The following EFHC2 variants were observed in gnomAD, a reference collection of about 807,000 sequenced individuals.
EFHC2 encodes EF-hand domain containing 2.
In EFHC2, 18 loss-of-function variants were observed where a neutral mutation model predicts 52.7. The ratio of observed to expected loss-of-function variants is 0.34; its 90% CI spans 0.24 to 0.51. The LOEUF (loss-of-function observed/expected upper bound fraction) is 0.51, where lower values mean the gene tolerates loss of function less well. Among genes scored for constraint, EFHC2 ranks in the 20% least tolerant of loss-of-function variants. EFHC2 has a pLI of 0.97. For synonymous variants in EFHC2, 203 were observed against 204.1 expected, an observed-to-expected ratio of 0.99 and a Z score of 0.04; for missense variants, 513 against 562.5, an observed-to-expected ratio of 0.91 and a Z score of 0.89.
At chrX:44,320,202 CA>C (rs2038009550) in intron 1 of EFHC2, among the ~76,000 whole-genome samples, 1 of 112,235 alleles carries the variant, frequency 8.9e-6, no homozygotes, top group Non-Finnish European at 1.9e-5. Context: ...CCTGGCCTCC[CA>C]AAGTGCTGTG....
chrX:44,190,946 C>A lies in EFHC2; in HGVS notation c.1752-12382G>T, dbSNP rs760649903. ...CCTGAGCTGCTGGGACAGGCTCCAG[C>A]CACCCATGACCTTGAACTGGAATAA... On this transcript the variant is annotated intron_variant, in intron 11 of 14. Transcript: ENST00000420999. Among the ~76,000 whole-genome samples the A allele has an allele frequency of 5.4e-5, 6 of 111,327 alleles. No individual in the cohort carries two copies. In the East Asian group the frequency reaches 1.7e-3, roughly 32 times the overall value.
intron 11 of EFHC2, among the ~76,000 whole-genome samples, chrX:44,204,874 T>G (rs997088835): frequency 9.0e-6 from 1 of 111,088 alleles, no homozygotes; most frequent in African/African-American, 3.3e-5. Context: ...TACAAGAAAT[T>G]CAGAGAACTT....
chrX:44,225,518 G>A (rs921208893), intron 11 of EFHC2, among the ~76,000 whole-genome samples: 2 of 111,766 alleles, frequency 1.8e-5, no homozygotes, highest in African/African-American at 6.5e-5. Context: ...GAAGCCCCAG[G>A]TGTATGCTGA....
At chrX:44,248,194 A>T (rs2037414871) in intron 7 of EFHC2, 78 bp downstream of exon 7, 1 of 898,599 alleles carries the variant, frequency 1.1e-6, no homozygotes, top group Admixed American at 3.4e-5. Flanking sequence ...AGCATTTGAA[A>T]CTCCAAAGTA....
intron 8 of EFHC2, among the ~76,000 whole-genome samples, chrX:44,237,012 CT>C (rs1179239018): frequency 9.8e-4 from 102 of 104,383 alleles, no homozygotes; most frequent in Middle Eastern, 4.8e-3. Flanking sequence ...TTCAATATGC[CT>C]TTTTTTTTTC....
intron 13 of EFHC2, among the ~76,000 whole-genome samples, chrX:44,169,722 T>TACACAC (rs10642638): frequency 2.4e-4 from 25 of 102,926 alleles, no homozygotes; most frequent in Admixed American, 8.4e-4. Flanking sequence ...TAGCTACACA[T>TACACAC]ACACACACAC....
intron 8 of EFHC2, among the ~76,000 whole-genome samples, chrX:44,237,417 A>G (rs985256127): frequency 2.3e-4 from 26 of 112,034 alleles, no homozygotes; most frequent in Non-Finnish European, 1.7e-4. Context: ...ATTTAGCTCT[A>G]TATAGACTTT....
At chrX:44,208,951 G>A (rs957720760) in intron 11 of EFHC2, among the ~76,000 whole-genome samples, 3 of 109,571 alleles carry the variant, frequency 2.7e-5, no homozygotes, top group Non-Finnish European at 5.7e-5. Flanking sequence ...CATGACATAT[G>A]TCAGATGTAT....
At chrX:44,247,525 T>G (rs1464535087) in intron 7 of EFHC2, among the ~76,000 whole-genome samples, 1 of 111,568 alleles carries the variant, frequency 9.0e-6, no homozygotes, top group Non-Finnish European at 1.9e-5. Context: ...GTCCCATCAA[T>G]TCCTAGCAGC....
chrX:44,175,106 G>A (rs1157291783), intron 13 of EFHC2, among the ~76,000 whole-genome samples: 1 of 111,716 alleles, frequency 9.0e-6, no homozygotes, highest in Non-Finnish European at 1.9e-5. Context: ...CGAACCCTAA[G>A]CCCCACTATG....
At chrX:44,167,395 G>A (rs936691043) in intron 13 of EFHC2, among the ~76,000 whole-genome samples, 2 of 111,957 alleles carry the variant, frequency 1.8e-5, no homozygotes, top group African/African-American at 3.2e-5. Context: ...GTCACCACAC[G>A]AAGTCCTATC....
At chrX:44,327,470 A>G (rs1176221894) in intron 1 of EFHC2, among the ~76,000 whole-genome samples, 2 of 112,239 alleles carry the variant, frequency 1.8e-5, no homozygotes, top group Admixed American at 1.9e-4. Flanking sequence ...AAAATTTGAT[A>G]CAGAATTATC....
Position 44,301,061 on chromosome X carries a change from G to A in EFHC2, c.231+11507C>T, listed in dbSNP as rs1240263764. On this transcript the variant is annotated intron_variant, in intron 2 of 14. Coordinates refer to ENST00000420999, the MANE Select transcript of EFHC2 (RefSeq NM_025184.4). ...GGAGATGGAGGTTGCAGTGAGCCAA[G>A]ATCACGCCACTGCACTCCAGCATGG... Among the ~76,000 whole-genome samples the A allele has an allele frequency of 3.1e-5, 3 of 98,055 alleles. No individual in the cohort carries two copies. In the Admixed American group the frequency reaches 3.6e-4, roughly 12 times the overall value. 85.1% of individuals were successfully genotyped at this position (98,055 alleles called of 115,157 possible). A position where few individuals can be genotyped will look rare whatever the true frequency, so the allele number is the denominator to read the frequency against.
At position 44,164,016 on chromosome X, in the gene EFHC2, C is replaced by T; in HGVS notation, c.2054G>A (p.Ser685Asn). ...LESLLSRFED[S>N]EKQIDYKSFF... ...TGACTTATAATCTATTTGTTTTTCA[C>T]TGTCTTCAAACCTGAAAATATAATT... The change falls in exon 14 of 15, where the codon AGT becomes AAT. Residue 685 changes from serine (S) to asparagine (N), a missense_variant. By Grantham distance (46) the Ser-to-Asn change is conservative (BLOSUM62 1). Coordinates refer to ENST00000420999, the MANE Select transcript of EFHC2 (RefSeq NM_025184.4). 8.9e-7 allele frequency: 1 copy of T among 1,124,973 alleles called. No homozygotes were observed. The allele number at this position is 1,124,973 out of a possible 1,213,427, so 92.7% of individuals were successfully genotyped here.
intron 1 of EFHC2, among the ~76,000 whole-genome samples, chrX:44,333,687 CT>C (rs1231344601): frequency 9.1e-6 from 1 of 110,261 alleles, no homozygotes; most frequent in Non-Finnish European, 1.9e-5. Context: ...CCTCTTTTCC[CT>C]TTCCCACCTC....
intron 11 of EFHC2, among the ~76,000 whole-genome samples, chrX:44,218,819 C>A (rs1301673869): frequency 4.5e-5 from 5 of 111,825 alleles, no homozygotes; most frequent in Non-Finnish European, 9.4e-5. Flanking sequence ...TTATGTATGA[C>A]CCAGCAATTC....
At chrX:44,235,477 A>G in intron 8 of EFHC2, 30 bp from the exon 9 acceptor site, 1 of 1,138,750 alleles carries the variant, frequency 8.8e-7, no homozygotes, top group Non-Finnish European at 1.2e-6. Context: ...GAGTTAGAGC[A>G]TTATACAGGT....
At chrX:44,208,194 T>C (rs1049954221) in intron 11 of EFHC2, among the ~76,000 whole-genome samples, 1 of 112,335 alleles carries the variant, frequency 8.9e-6, no homozygotes, top group African/African-American at 3.2e-5. Flanking sequence ...CAGTCCACTG[T>C]TGATGGGCAC....
intron 11 of EFHC2, among the ~76,000 whole-genome samples, chrX:44,207,496 G>A (rs1247827016): frequency 1.8e-5 from 2 of 109,068 alleles, no homozygotes; most frequent in Non-Finnish European, 3.8e-5. Flanking sequence ...GGGTGACAGA[G>A]TGAGACTCCG....
Sources: gnomAD v4.1 joint callset for allele counts (sites outside exome capture counted in the v4.1 genomes callset) on GRCh38, gnomAD v4.1.1 for gene constraint, MANE v1.5 for transcripts, NCBI Gene and HGNC (gene_info 2026-07-23, HGNC 2026-07-21) for gene names.